SPIRE1: variants seen among roughly 807,000 people sequenced by gnomAD.
The protein encoded by SPIRE1 is protein spire homolog 1.
Under a neutral mutation model 94.1 loss-of-function variants are expected in SPIRE1, and 40 were observed. The ratio of observed to expected loss-of-function variants is 0.43; its 90% confidence interval spans 0.33 to 0.55. The LOEUF is 0.55. Among genes scored for constraint, SPIRE1 ranks in the 20% least tolerant of loss-of-function variants. The pLI, the probability that SPIRE1 is intolerant of heterozygous loss-of-function variation, is 0.06. For synonymous variants in SPIRE1, 376 were observed against 371.7 expected (o/e 1.01, Z -0.13); for missense variants, 838 against 975.2 (o/e 0.86, Z 1.87).
chr18:12,456,494 C>G (rs564619368), intron 12 of SPIRE1, among the ~76,000 whole-genome samples: 16 of 152,138 alleles, frequency 1.1e-4, no homozygotes, highest in Non-Finnish European at 2.4e-4. Flanking sequence ...GACAAAATGG[C>G]TATGCTGCAA....
chr18:12,478,231 G>A (rs373413457), intron 10 of SPIRE1, among the ~76,000 whole-genome samples: 4 of 152,068 alleles, frequency 2.6e-5, no homozygotes, highest in African/African-American at 9.6e-5. Context: ...AAGATGAGAA[G>A]CTAGGGGGTA....
intron 10 of SPIRE1, among the ~76,000 whole-genome samples, chr18:12,478,589 T>C (rs1178771977): frequency 6.7e-6 from 1 of 148,906 alleles, no homozygotes; most frequent in Non-Finnish European, 1.5e-5. Flanking sequence ...GGTGTGTATG[T>C]ATGTGTGTGT....
intron 12 of SPIRE1, among the ~76,000 whole-genome samples, chr18:12,460,417 A>G (rs1342085738): frequency 1.3e-5 from 2 of 152,222 alleles, no homozygotes; most frequent in Non-Finnish European, 2.9e-5. Context: ...GATACAACAA[A>G]AATAAAAATT....
intron 2 of SPIRE1, among the ~76,000 whole-genome samples, chr18:12,578,837 G>A (rs1035728982): frequency 2.0e-5 from 3 of 152,074 alleles, no homozygotes; most frequent in Admixed American, 2.0e-4. Context: ...ATAAATATGT[G>A]GAGTTCTGCT....
intron 2 of SPIRE1, among the ~76,000 whole-genome samples, chr18:12,618,342 C>T (rs751822334): frequency 1.3e-5 from 2 of 152,202 alleles, no homozygotes; most frequent in South Asian, 2.1e-4. Context: ...CCTTGTTATC[C>T]GCCCGCCTCG....
intron 2 of SPIRE1, among the ~76,000 whole-genome samples, chr18:12,585,400 A>G (rs2144557903): frequency 6.6e-6 from 1 of 152,308 alleles, no homozygotes; most frequent in East Asian, 1.9e-4. Context: ...CAACAGTGGC[A>G]ATAATTTAAG....
chr18:12,527,597 C>G (rs1160941471), intron 4 of SPIRE1, among the ~76,000 whole-genome samples: 1 of 151,944 alleles, frequency 6.6e-6, no homozygotes, highest in East Asian at 1.9e-4. Context: ...CAATTTCAAC[C>G]CCCAGCCCTC....
chr18:12,660,881 ACAC>A (rs2038683220), upstream of SPIRE1, among the ~76,000 whole-genome samples: 1 of 152,254 alleles, frequency 6.6e-6, no homozygotes, highest in Non-Finnish European at 1.5e-5. Flanking sequence ...TTTCTTCTCT[ACAC>A]AAAATAAAGG....
chr18:12,569,626 A>G (rs1376222200), intron 2 of SPIRE1, among the ~76,000 whole-genome samples: 1 of 81,594 alleles, frequency 1.2e-5, no homozygotes, highest in African/African-American at 3.4e-5. Flanking sequence ...ATGTTTAAAA[A>G]CAACAACAAC....
chr18:12,558,934 C>T (rs2035601733), intron 2 of SPIRE1, among the ~76,000 whole-genome samples: 1 of 152,096 alleles, frequency 6.6e-6, no homozygotes, highest in African/African-American at 2.4e-5. Flanking sequence ...TAGACACAGA[C>T]TGCTGATTGG....
At chr18:12,654,034 A>T (rs2038456089) in intron 1 of SPIRE1, among the ~76,000 whole-genome samples, 1 of 151,866 alleles carries the variant, frequency 6.6e-6, no homozygotes, top group Non-Finnish European at 1.5e-5. Flanking sequence ...ATCATGATAA[A>T]TACAATGAAA....
chr18:12,474,352 C>T (rs539156512), intron 10 of SPIRE1, among the ~76,000 whole-genome samples: 1 of 151,824 alleles, frequency 6.6e-6, no homozygotes, highest in East Asian at 2.0e-4. Context: ...GGGCCACTCC[C>T]TCTTGGAATG....
chr18:12,604,394 A>C (rs939621914), intron 2 of SPIRE1, among the ~76,000 whole-genome samples: 2 of 152,104 alleles, frequency 1.3e-5, no homozygotes, highest in Non-Finnish European at 2.9e-5. Flanking sequence ...ATCCCCACAC[A>C]CTTCTTGGTG....
intron 12 of SPIRE1, among the ~76,000 whole-genome samples, chr18:12,462,071 T>C (rs1457913115): frequency 1.3e-5 from 2 of 152,242 alleles, no homozygotes; most frequent in Non-Finnish European, 2.9e-5. Context: ...GGTAAGTCAC[T>C]GACAAGGCTA....
intron 2 of SPIRE1, among the ~76,000 whole-genome samples, chr18:12,551,347 T>C (rs1194584673): frequency 1.3e-5 from 2 of 152,188 alleles, no homozygotes; most frequent in Non-Finnish European, 2.9e-5. Context: ...CCTTTTTGTA[T>C]ATATAAAATA....
At chr18:12,645,932 A>G (rs956072606) in intron 1 of SPIRE1, among the ~76,000 whole-genome samples, 2 of 152,132 alleles carry the variant, frequency 1.3e-5, no homozygotes, top group East Asian at 1.9e-4. Context: ...CACCCACTAC[A>G]AAGAAGACAA....
chr18:12,468,193 T>C (rs1470202537), intron 10 of SPIRE1, among the ~76,000 whole-genome samples: 1 of 152,152 alleles, frequency 6.6e-6, no homozygotes, highest in African/African-American at 2.4e-5. Flanking sequence ...AAAAGATCAA[T>C]GATTTTATGA....
At chr18:12,477,122 G>C (rs536476031) in intron 10 of SPIRE1, among the ~76,000 whole-genome samples, 23 of 152,316 alleles carry the variant, frequency 1.5e-4, no homozygotes, top group Middle Eastern at 3.4e-3. Flanking sequence ...GAAGGTTACA[G>C]AGGCTGCAAA....
In SPIRE1 at chr18:12,535,630, G is replaced by A. The variant is rs769340308; in HGVS notation, c.604-29C>T. On this transcript the variant is annotated intron_variant, in intron 3 of 16. Transcript: ENST00000409402. ...TAGAAGGGGAAAATAAAATAATGGT[G>A]CTTGGTTACTATTTGGGTTTTTTTT... The A allele has an allele frequency of 3.3e-5, 52 of 1,594,946 alleles. No homozygotes were observed. The Admixed American group carries it at 7.8e-4, about 24-fold the overall frequency.
Sources: allele counts gnomAD v4.1 joint callset (sites outside exome capture counted in the v4.1 genomes callset), GRCh38; gene constraint gnomAD v4.1.1; transcripts MANE v1.5; gene names NCBI Gene and HGNC (gene_info 2026-07-23, HGNC 2026-07-21).